Variants in RADX observed in about 807,000 individuals in gnomAD.
RADX encodes RPA1 related single stranded DNA binding protein, X-linked.
Under a neutral mutation model 61.6 loss-of-function variants are expected in RADX, and 36 were observed. The observed-to-expected ratio is 0.58, with a 90% CI of 0.45 to 0.77. RADX has a LOEUF of 0.77. RADX is among the 30% of genes least tolerant of loss of function. The probability of loss-of-function intolerance (pLI) is 0.00; values close to 1 mark genes in which losing one functional copy is unlikely to be tolerated. For missense variants in RADX, 497 were observed against 651.1 expected (o/e 0.76, Z 2.58); for synonymous variants, 272 against 237.9 (o/e 1.14, Z -1.32).
At chrX:106,628,515 G>A (rs932606370) in intron 3 of RADX, among the ~76,000 whole-genome samples, 4 of 111,397 alleles carry the variant, frequency 3.6e-5, no homozygotes, top group African/African-American at 1.3e-4. Flanking sequence ...GGTCAGTAAA[G>A]GAATAAGGAT....
At chrX:106,674,807 C>T (rs1011393856) in intron 13 of RADX, among the ~76,000 whole-genome samples, 2 of 111,371 alleles carry the variant, frequency 1.8e-5, no homozygotes, top group African/African-American at 6.5e-5. Context: ...GGGCGGATCA[C>T]GAGGTTAAGA....
intron 12 of RADX, 54 bp downstream of exon 12, chrX:106,662,359 C>A: frequency 9.5e-7 from 1 of 1,051,079 alleles, no homozygotes; most frequent in Non-Finnish European, 1.3e-6. Context: ...TTAAATATAC[C>A]TACTATTTCG....
At chrX:106,642,601 A>G (rs1009520677) in intron 10 of RADX, among the ~76,000 whole-genome samples, 1 of 111,848 alleles carries the variant, frequency 8.9e-6, no homozygotes, top group Non-Finnish European at 1.9e-5. Context: ...TTTTATGGCT[A>G]AATAGTACTC....
chrX:106,640,289 G>A, intron 9 of RADX, among the ~76,000 whole-genome samples: 1 of 111,209 alleles, frequency 9.0e-6, no homozygotes, highest in Admixed American at 9.5e-5. Context: ...CTACGTCCAG[G>A]ACTACTACTA....
rs1355006563 is a variant in RADX, at chrX:106,625,150, T to C, written c.847T>C (p.Cys283Arg). The C allele has an allele frequency of 3.3e-6, 4 of 1,206,994 alleles. No homozygotes were observed. The highest frequency in any genetic ancestry group is 1.8e-5 in the South Asian group (1 of 55,996). The change falls in exon 3 of 14, where the codon TGT becomes CGT. Residue 283 changes from cysteine (C) to arginine (R), a missense_variant. This residue lies in a region of RADX where 196 missense variants were observed against 315.0 expected (regional missense o/e 0.62). Coordinates refer to ENST00000372548, the MANE Select transcript of RADX (RefSeq NM_018015.6). Reference protein sequence around the residue: ...TVSVIMWNALCPEWYKSLRVG... With the variant: ...TVSVIMWNALRPEWYKSLRVG... ...GTCAGTGATTATGTGGAATGCCCTGTGTCCTGAGTGGTATAAAAGTTTGCG... is the reference window on the plus strand; with the variant it reads ...GTCAGTGATTATGTGGAATGCCCTGCGTCCTGAGTGGTATAAAAGTTTGCG...
chrX:106,663,380 A>T (rs1603059246), intron 12 of RADX, among the ~76,000 whole-genome samples: 2 of 111,731 alleles, frequency 1.8e-5, no homozygotes, highest in Non-Finnish European at 3.8e-5. Flanking sequence ...CACAGACCTA[A>T]GTTTCAAATG....
At chrX:106,644,984 G>A (rs748917255) in intron 10 of RADX, among the ~76,000 whole-genome samples, 13 of 110,760 alleles carry the variant, frequency 1.2e-4, no homozygotes, top group East Asian at 5.7e-4. Flanking sequence ...TTTCTTCCTG[G>A]TTCAATCTTG....
At chrX:106,665,659 T>C (rs1023837989) in intron 12 of RADX, among the ~76,000 whole-genome samples, 1 of 110,078 alleles carries the variant, frequency 9.1e-6, no homozygotes, top group Non-Finnish European at 1.9e-5. Context: ...AGCATGAAGA[T>C]TGTCTAATTT....
Position 106,612,487 on chromosome X carries a change from G to T in RADX, c.407G>T (p.Cys136Phe). 1 of 1,210,779 alleles carries T rather than the reference G, an allele frequency of 8.3e-7. No homozygotes were observed. Among genetic ancestry groups the T allele is most frequent in the Non-Finnish European group, 1.1e-6 (1 of 894,554 alleles). Residue 136 changes from cysteine (C) to phenylalanine (F), a missense_variant, in exon 1 of 14, where the codon TGT (cysteine) becomes TTT (phenylalanine). Transcript: ENST00000372548. Reference sequence around the variant, plus strand: ...CAAATGAGAATTTCCAGGGTCTCATGTCTTTACAATGAGAAAAGGATAGGC... The same window carrying T: ...CAAATGAGAATTTCCAGGGTCTCATTTCTTTACAATGAGAAAAGGATAGGC... ...GIQMRISRVS[C>F]LYNEKRIGQG...
chrX:106,640,355 TTTTG>T (rs1927477931), intron 9 of RADX, 193 bp from the exon 10 acceptor site: 2 of 326,899 alleles, frequency 6.1e-6, no homozygotes, highest in East Asian at 9.5e-5. Flanking sequence ...TAAGAAGGAC[TTTTG>T]TTTGTCTTCC....
At chrX:106,649,288 T>C (rs747279264) in intron 11 of RADX, among the ~76,000 whole-genome samples, 6 of 104,812 alleles carry the variant, frequency 5.7e-5, no homozygotes, top group South Asian at 7.4e-4. Flanking sequence ...CAGCTAAGCA[T>C]AATTTGAATT....
chrX:106,619,132 C>T (rs1926881979), intron 1 of RADX, among the ~76,000 whole-genome samples: 2 of 109,635 alleles, frequency 1.8e-5, no homozygotes, highest in Admixed American at 1.9e-4. Context: ...CTAGTTGTTA[C>T]TGAATGTTTT....
intron 3 of RADX, among the ~76,000 whole-genome samples, chrX:106,628,733 T>C (rs746635117): frequency 1.2e-4 from 13 of 107,158 alleles, no homozygotes; most frequent in African/African-American, 3.1e-4. Flanking sequence ...AACCTTCACC[T>C]CCTGGGTTCA....
In RADX at chrX:106,678,391, A is replaced by G. The variant is rs1236055326; in HGVS notation, c.*133A>G. The stretch of plus-strand genomic sequence containing the variant: ...AGCTCTAAAGTTATTAAGCAGTTTT[A>G]TGTTCGTTTTGTGTTTAGGGAGCTT... On this transcript the variant is annotated 3_prime_UTR_variant, in exon 14 of 14. Transcript: ENST00000372548. 4 of 433,703 alleles carry G rather than the reference A, an allele frequency of 9.2e-6. No homozygotes were observed. The East Asian group carries it at 1.5e-4, about 16-fold the overall frequency. 35.7% of individuals were successfully genotyped at this position (433,703 alleles called of 1,213,427 possible).
Position 106,662,293 on chromosome X carries a change from G to A in RADX, c.2257G>A (p.Val753Ile). Residue 753 changes from valine (V) to isoleucine (I), a missense_variant, in exon 12 of 14, where the codon GTA becomes ATA. By Grantham distance (29) the Val-to-Ile change is conservative. This residue lies in a region of RADX where 267 missense variants were observed against 306.9 expected (regional missense o/e 0.87). Coordinates refer to ENST00000372548, the MANE Select transcript of RADX (RefSeq NM_018015.6). ...KSARSLGHFE[V>I]TILGLNHEIA... ...CGCCCGAAGCCTTGGACATTTTGAA[G>A]TAACCATACTAGGTAAGTTCACTGT... The A allele has an allele frequency of 8.3e-7, 1 of 1,203,146 alleles. No homozygotes were observed. Among genetic ancestry groups the A allele is most frequent in the East Asian group, 3.0e-5 (1 of 33,755 alleles).
chrX:106,612,823 T>G (rs1010598580), intron 1 of RADX, 100 bp downstream of exon 1: 10 of 892,246 alleles, frequency 1.1e-5, no homozygotes, highest in Non-Finnish European at 1.5e-5. Flanking sequence ...TATTGTTAAT[T>G]ACAAGCCAGG....
intron 12 of RADX, among the ~76,000 whole-genome samples, chrX:106,667,781 G>C (rs1486059339): frequency 8.9e-6 from 1 of 111,940 alleles, no homozygotes; most frequent in Non-Finnish European, 1.9e-5. Flanking sequence ...TCCAAATTCT[G>C]ATAGTTTCTC....
At position 106,622,796 on chromosome X, in the gene RADX, A is replaced by G. The variant is rs1278823166; in HGVS notation, c.786+3A>G. 9.1e-7 allele frequency: 1 copy of G among 1,100,569 alleles called. No homozygotes were observed. The highest frequency in any genetic ancestry group is 2.7e-5 in the Admixed American group (1 of 36,884). The allele number at this position is 1,100,569 out of a possible 1,213,427, so 90.7% of individuals were successfully genotyped here. On this transcript the variant is annotated splice_donor_region_variant and intron_variant, in intron 2 of 13. Transcript: ENST00000372548. The stretch of plus-strand genomic sequence containing the variant: ...AAAAGATGATTGAACCATATCAGGT[A>G]CAAGTAATAAGATATCATATGTTAA...
intron 11 of RADX, among the ~76,000 whole-genome samples, chrX:106,653,611 C>T (rs28873818): frequency 0.11 from 12,038 of 108,854 alleles, 1,643 homozygotes; most frequent in African/African-American, 0.38. Flanking sequence ...TAGGTATATA[C>T]GTGCCGTGAT....
Sources: allele counts gnomAD v4.1 joint callset (sites outside exome capture counted in the v4.1 genomes callset), GRCh38; gene constraint gnomAD v4.1.1; regional missense constraint gnomAD v4.1.1; transcripts MANE v1.5; gene names NCBI Gene and HGNC (gene_info 2026-07-23, HGNC 2026-07-21).